COL15A1: variants seen among roughly 807,000 people sequenced by gnomAD.
COL15A1 encodes collagen alpha-1(XV) chain.
In COL15A1, 111 loss-of-function variants were observed where a neutral mutation model predicts 165.9. The ratio of observed to expected loss-of-function variants is 0.67; its 90% CI spans 0.57 to 0.78. The LOEUF is 0.78. COL15A1 is among the 30% of genes least tolerant of loss of function. The pLI is 0.00. For missense variants in COL15A1, 1,745 were observed against 1,789.7 expected (o/e 0.98, Z 0.45); for synonymous variants, 659 against 674.8 (o/e 0.98, Z 0.36).
At chr9:98,980,543 G>A (rs1021510467) in intron 2 of COL15A1, among the ~76,000 whole-genome samples, 2 of 152,200 alleles carry the variant, frequency 1.3e-5, no homozygotes. Flanking sequence ...TGTCAGGCAT[G>A]TCAGGGAGTA....
At chr9:99,022,343 C>T (rs1039850338) in intron 13 of COL15A1, among the ~76,000 whole-genome samples, 193 bp downstream of exon 13, 4 of 152,226 alleles carry the variant, frequency 2.6e-5, no homozygotes, top group Non-Finnish European at 5.9e-5. Flanking sequence ...AAATCCTGCA[C>T]CTTGAGCATC....
At chr9:98,956,853 G>A (rs921492097) in intron 2 of COL15A1, among the ~76,000 whole-genome samples, 1 of 152,230 alleles carries the variant, frequency 6.6e-6, no homozygotes, top group African/African-American at 2.4e-5. Context: ...CTAGGGGACT[G>A]AGGATAGCAT....
intron 7 of COL15A1, among the ~76,000 whole-genome samples, chr9:99,002,388 T>C (rs750593882): frequency 2.0e-5 from 3 of 152,102 alleles, no homozygotes; most frequent in African/African-American, 7.2e-5. Context: ...ACCAAATGGT[T>C]TGGAGTGAGT....
At chr9:99,006,412 A>G (rs1838763699) in intron 9 of COL15A1, among the ~76,000 whole-genome samples, 1 of 152,250 alleles carries the variant, frequency 6.6e-6, no homozygotes, top group Non-Finnish European at 1.5e-5. Flanking sequence ...AGGACATCAC[A>G]GATCAACAAC....
intron 2 of COL15A1, among the ~76,000 whole-genome samples, chr9:98,951,870 T>A (rs1422297166): frequency 2.0e-5 from 3 of 152,154 alleles, no homozygotes; most frequent in Non-Finnish European, 2.9e-5. Flanking sequence ...CAGTACCATT[T>A]TAAAAATGCC....
chr9:98,952,959 A>G (rs1475955814), intron 2 of COL15A1, among the ~76,000 whole-genome samples: 1 of 152,174 alleles, frequency 6.6e-6, no homozygotes, highest in Non-Finnish European at 1.5e-5. Flanking sequence ...ACAGTCTGGT[A>G]AGAGAAGTTA....
intron 26 of COL15A1, among the ~76,000 whole-genome samples, chr9:99,045,377 C>T (rs1256997092): frequency 6.6e-6 from 1 of 152,180 alleles, no homozygotes; most frequent in Admixed American, 6.5e-5. Flanking sequence ...TGTGCAAGCC[C>T]TCTTCTCTCT....
chr9:98,962,002 G>A (rs1391324269), intron 2 of COL15A1, among the ~76,000 whole-genome samples: 1 of 152,236 alleles, frequency 6.6e-6, no homozygotes, highest in Non-Finnish European at 1.5e-5. Flanking sequence ...GTGGAGGCAA[G>A]TGAGGAAGGT....
intron 2 of COL15A1, among the ~76,000 whole-genome samples, chr9:98,980,502 C>T (rs187478538): frequency 6.6e-6 from 1 of 152,260 alleles, no homozygotes; most frequent in Admixed American, 6.5e-5. Context: ...GGGTGGGAGT[C>T]CCTGGGACAG....
intron 2 of COL15A1, among the ~76,000 whole-genome samples, chr9:98,954,575 C>G (rs1452751697): frequency 6.6e-6 from 1 of 152,134 alleles, no homozygotes; most frequent in East Asian, 1.9e-4. Flanking sequence ...TAGGCTGTTT[C>G]TCATTGCTCA....
chr9:99,017,841 C>T (rs1838962516), intron 11 of COL15A1, among the ~76,000 whole-genome samples: 1 of 152,142 alleles, frequency 6.6e-6, no homozygotes, highest in Non-Finnish European at 1.5e-5. Flanking sequence ...TTATTGAAAA[C>T]CTAAAAATGT....
intron 10 of COL15A1, 35 bp downstream of exon 10, chr9:99,015,601 G>A (rs371422739): frequency 6.3e-7 from 1 of 1,598,360 alleles, no homozygotes; most frequent in African/African-American, 1.3e-5. Context: ...TGGCTCACAG[G>A]GGAGAGACAG....
intron 3 of COL15A1, among the ~76,000 whole-genome samples, chr9:98,986,703 A>G (rs982944955): frequency 1.3e-5 from 2 of 152,244 alleles, no homozygotes; most frequent in Non-Finnish European, 2.9e-5. Flanking sequence ...ACACGTATTT[A>G]CTGATGTCTC....
chr9:99,050,724 C>T (rs566926413), intron 30 of COL15A1, among the ~76,000 whole-genome samples: 63 of 152,332 alleles, frequency 4.1e-4, no homozygotes, highest in African/African-American at 1.4e-3. Context: ...GTGAACTAGA[C>T]GGATGTGGCC....
chr9:99,037,487 G>A (rs1036191069), intron 21 of COL15A1, among the ~76,000 whole-genome samples: 5 of 152,198 alleles, frequency 3.3e-5, no homozygotes, highest in Non-Finnish European at 7.3e-5. Context: ...GAGAGGCCGA[G>A]GCAGGAGGAC....
At chr9:98,968,554 T>C (rs1487302596) in intron 2 of COL15A1, among the ~76,000 whole-genome samples, 1 of 152,216 alleles carries the variant, frequency 6.6e-6, no homozygotes, top group Non-Finnish European at 1.5e-5. Context: ...ATGTGTCTTA[T>C]AAGAACACCT....
intron 4 of COL15A1, 98 bp downstream of exon 4, chr9:98,987,466 C>A: frequency 1.7e-6 from 2 of 1,200,492 alleles, no homozygotes; most frequent in South Asian, 1.5e-5. Flanking sequence ...GTTTCTGAAA[C>A]CTCTCATTTT....
At chr9:99,058,864 TG>T (rs1464523610) in intron 35 of COL15A1, among the ~76,000 whole-genome samples, 1 of 152,122 alleles carries the variant, frequency 6.6e-6, no homozygotes. Context: ...AGTCCTATGT[TG>T]GAACTGAACA....
Position 99,025,935 on chromosome 9 carries a change from C to A in COL15A1, c.2012C>A (p.Ala671Asp), listed in dbSNP as rs747406550. The A allele has an allele frequency of 4.3e-6, 7 of 1,612,872 alleles. No homozygotes were observed. Among genetic ancestry groups the A allele is most frequent in the Non-Finnish European group, 5.1e-6 (6 of 1,179,550 alleles). The stretch of plus-strand genomic sequence containing the variant: ...GAGGGACAGCCTGGAGTTGATGGAG[C>A]CACCGGCCTTCCCGGGATGAAAGGG... ...GPEGQPGVDG[A>D]TGLPGMKGEK... The change falls in exon 16 of 42, where the codon GCC (alanine) becomes GAC (aspartate). Residue 671 changes from alanine to aspartate, a missense_variant. Coordinates refer to ENST00000375001, the MANE Select transcript of COL15A1 (RefSeq NM_001855.5).
Sources: gnomAD v4.1 joint callset for allele counts (sites outside exome capture counted in the v4.1 genomes callset) on GRCh38, gnomAD v4.1.1 for gene constraint, MANE v1.5 for transcripts, NCBI Gene and HGNC (gene_info 2026-07-23, HGNC 2026-07-21) for gene names.